The following IPCEF1 variants were observed in gnomAD, a reference collection of about 807,000 sequenced individuals.
The protein encoded by IPCEF1 is interactor protein for cytohesin exchange factors 1.
Under a neutral mutation model 50.9 loss-of-function variants are expected in IPCEF1, and 31 were observed. That is an observed-to-expected ratio of 0.61 (90% CI 0.46 to 0.82). IPCEF1 has a LOEUF of 0.82. IPCEF1 is among the 40% of genes least tolerant of loss of function. The pLI is 0.00. For missense variants in IPCEF1, 458 were observed against 514.0 expected (o/e 0.89, Z 1.05); for synonymous variants, 181 against 192.0 (o/e 0.94, Z 0.47).
At chr6:154,246,834 T>C in intron 4 of IPCEF1, 74 bp from the exon 5 acceptor site, 3 of 1,456,456 alleles carry the variant, frequency 2.1e-6, no homozygotes, top group Non-Finnish European at 2.7e-6. Flanking sequence ...CTGATTTATG[T>C]GACAGAGTGA....
intron 7 of IPCEF1, among the ~76,000 whole-genome samples, chr6:154,216,037 G>A (rs1453104365): frequency 6.6e-6 from 1 of 152,086 alleles, no homozygotes; most frequent in Non-Finnish European, 1.5e-5. Flanking sequence ...CATGAAAACT[G>A]ATACAGCCAA....
chr6:154,223,358 G>GATACCA lies in IPCEF1; in HGVS notation c.247-121_247-116dup, dbSNP rs1779013067. ...TAAATGACATGAGGGAGAATCAAGA[G>GATACCA]ATACCAACCACCCTGAATCACCATG... On this transcript the variant is annotated intron_variant, in intron 5 of 11. Coordinates refer to ENST00000367220, the MANE Select transcript of IPCEF1 (RefSeq NM_001130700.2). 3.8e-6 allele frequency: 3 copies of GATACCA among 787,522 alleles called. No individual in the cohort carries two copies. The Admixed American group carries it at 6.1e-5, about 16-fold the overall frequency. The allele number at this position is 787,522 out of a possible 1,614,324, so 48.8% of individuals were successfully genotyped here.
intron 1 of IPCEF1, among the ~76,000 whole-genome samples, chr6:154,307,747 T>C (rs1226682781): frequency 1.3e-5 from 2 of 152,236 alleles, no homozygotes; most frequent in African/African-American, 2.4e-5. Flanking sequence ...AGCATCTAGA[T>C]GTACATTCAC....
intron 3 of IPCEF1, among the ~76,000 whole-genome samples, chr6:154,254,738 T>C (rs1370379319): frequency 6.6e-6 from 1 of 152,224 alleles, no homozygotes; most frequent in Non-Finnish European, 1.5e-5. Context: ...TGTGGTTGGT[T>C]GGTTGGTTTT....
intron 1 of IPCEF1, among the ~76,000 whole-genome samples, chr6:154,295,998 G>A (rs1189822651): frequency 6.6e-6 from 1 of 152,118 alleles, no homozygotes; most frequent in Admixed American, 6.6e-5. Flanking sequence ...TGTCTTCCCT[G>A]ACACTGTTCA....
At chr6:154,208,215 A>C (rs1777660578) in intron 9 of IPCEF1, among the ~76,000 whole-genome samples, 1 of 103,876 alleles carries the variant, frequency 9.6e-6, no homozygotes. Flanking sequence ...TTCATTTCCT[A>C]CTACTCTCAT....
chr6:154,268,575 T>C (rs1781816298), intron 2 of IPCEF1, among the ~76,000 whole-genome samples: 1 of 152,170 alleles, frequency 6.6e-6, no homozygotes, highest in Non-Finnish European at 1.5e-5. Flanking sequence ...TTTTTTTCAA[T>C]GCACATCTGA....
intron 5 of IPCEF1, among the ~76,000 whole-genome samples, chr6:154,243,584 G>A (rs1780774021): frequency 6.6e-6 from 1 of 152,162 alleles, no homozygotes; most frequent in Non-Finnish European, 1.5e-5. Flanking sequence ...GGGATTCAAT[G>A]ACAATGAGAT....
intron 1 of IPCEF1, among the ~76,000 whole-genome samples, chr6:154,349,922 T>C (rs1784093942): frequency 6.6e-6 from 1 of 152,234 alleles, no homozygotes; most frequent in Non-Finnish European, 1.5e-5. Flanking sequence ...TATTTACCTG[T>C]TAAAAGAATG....
At chr6:154,278,735 A>T (rs1583938050) in intron 2 of IPCEF1, among the ~76,000 whole-genome samples, 1 of 152,174 alleles carries the variant, frequency 6.6e-6, no homozygotes, top group South Asian at 2.1e-4. Flanking sequence ...ATATATATAT[A>T]TGATTAAAAG....
chr6:154,338,162 G>A (rs952633867), intron 1 of IPCEF1, among the ~76,000 whole-genome samples: 5 of 152,198 alleles, frequency 3.3e-5, no homozygotes, highest in African/African-American at 1.2e-4. Context: ...GCTCCTTCAT[G>A]CCTCCCAGCC....
chr6:154,333,346 G>A (rs1192534447), intron 1 of IPCEF1, among the ~76,000 whole-genome samples: 1 of 151,806 alleles, frequency 6.6e-6, no homozygotes, highest in African/African-American at 2.4e-5. Context: ...AAATATAGCA[G>A]GCAGACAAAT....
At chr6:154,221,421 A>AG in intron 6 of IPCEF1, 93 bp from the exon 7 acceptor site, 3 of 917,970 alleles carry the variant, frequency 3.3e-6, no homozygotes, top group Non-Finnish European at 5.1e-6. Context: ...AGCTTTGTAA[A>AG]CTTGTCTGCT....
chr6:154,222,909 T>C (rs1437939982), intron 6 of IPCEF1: 1 of 500,606 alleles, frequency 2.0e-6, no homozygotes, highest in African/African-American at 1.9e-5. Context: ...GTTTATTCCA[T>C]CACAGACACA....
At chr6:154,207,501 G>C (rs1777600086) in intron 9 of IPCEF1, among the ~76,000 whole-genome samples, 1 of 152,066 alleles carries the variant, frequency 6.6e-6, no homozygotes, top group Non-Finnish European at 1.5e-5. Context: ...GTCTTGTTAA[G>C]ATTAAATGTG....
At chr6:154,243,964 G>A (rs967450577) in intron 5 of IPCEF1, among the ~76,000 whole-genome samples, 7 of 152,156 alleles carry the variant, frequency 4.6e-5, no homozygotes, top group African/African-American at 1.4e-4. Context: ...TAAGTAACAG[G>A]TGGCTCTTCC....
At chr6:154,290,663 G>A (rs539830285) in intron 1 of IPCEF1, among the ~76,000 whole-genome samples, 1 of 152,066 alleles carries the variant, frequency 6.6e-6, no homozygotes, top group Admixed American at 6.5e-5. Context: ...GAAAACAAAA[G>A]TTTTCTCTCA....
At position 154,246,804 on chromosome 6, in the gene IPCEF1, T is replaced by C. The variant is rs780677715; in HGVS notation, c.77-44A>G. 30 of 1,594,274 alleles carry C rather than the reference T, an allele frequency of 1.9e-5. No individual in the cohort carries two copies. In the Admixed American group the frequency reaches 2.6e-4, roughly 14 times the overall value. On this transcript the variant is annotated intron_variant, in intron 4 of 11. Coordinates refer to ENST00000367220, the MANE Select transcript of IPCEF1 (RefSeq NM_001130700.2). ...GAGGTAGATAATGTATTACCCTGAT[T>C]TGGTAGGTAAAGTATTATCCTGATT...
At chr6:154,185,698 C>T (rs1004638751) in intron 10 of IPCEF1, among the ~76,000 whole-genome samples, 5 of 152,062 alleles carry the variant, frequency 3.3e-5, no homozygotes, top group Non-Finnish European at 5.9e-5. Context: ...TGGCTTCCCT[C>T]GGCCACATTA....
Sources: gnomAD v4.1 joint callset for allele counts (sites outside exome capture counted in the v4.1 genomes callset) on GRCh38, gnomAD v4.1.1 for gene constraint, MANE v1.5 for transcripts, NCBI Gene and HGNC (gene_info 2026-07-23, HGNC 2026-07-21) for gene names.